The following GGA3 variants were observed in gnomAD, a reference collection of about 807,000 sequenced individuals.
The protein encoded by GGA3 is ADP-ribosylation factor-binding protein GGA3.
GGA3 carries 57 observed loss-of-function variants against 77.5 expected under a neutral mutation model. The ratio of observed to expected loss-of-function variants is 0.74; its 90% CI spans 0.59 to 0.92. The LOEUF (loss-of-function observed/expected upper bound fraction) is 0.92, where lower values mean the gene tolerates loss of function less well. GGA3 is among the 40% of genes least tolerant of loss of function. The pLI, the probability that GGA3 is intolerant of heterozygous loss-of-function variation, is 0.00. For missense variants in GGA3, 970 were observed against 914.9 expected, an observed-to-expected ratio of 1.06 and a Z score of -0.78; for synonymous variants, 416 against 383.7, an observed-to-expected ratio of 1.08 and a Z score of -0.98.
At chr17:75,255,393 T>C (rs1436160794) in intron 1 of GGA3, among the ~76,000 whole-genome samples, 1 of 152,172 alleles carries the variant, frequency 6.6e-6, no homozygotes, top group African/African-American at 2.4e-5. Context: ...TACAGCTACA[T>C]CTCATTGCTG....
chr17:75,261,957 GC>G (rs1256665632), upstream of GGA3: 1 of 1,607,674 alleles, frequency 6.2e-7, no homozygotes, highest in Admixed American at 1.7e-5. Flanking sequence ...CGTTGGGCGT[GC>G]GGCGGGCTGT....
At chr17:75,250,625 C>T (rs1020136097) in intron 1 of GGA3, among the ~76,000 whole-genome samples, 17 of 151,846 alleles carry the variant, frequency 1.1e-4, no homozygotes, top group Admixed American at 1.1e-3. Flanking sequence ...TAGCTAGGCA[C>T]GGTAGCACAC....
intron 3 of GGA3, among the ~76,000 whole-genome samples, chr17:75,244,937 G>C (rs919155016): frequency 6.6e-6 from 1 of 152,106 alleles, no homozygotes; most frequent in Non-Finnish European, 1.5e-5. Flanking sequence ...TGGGGAAGCT[G>C]GGCAGGGACT....
rs1318382193 is a variant in GGA3 at position 75,242,889 on chromosome 17, C to G, written c.551G>C (p.Ser184Thr). 1 of 1,613,864 alleles carries G rather than the reference C, an allele frequency of 6.2e-7. No homozygotes were observed. Among genetic ancestry groups the G allele is most frequent in the East Asian group, 2.2e-5 (1 of 44,890 alleles). The change falls in exon 7 of 17, where the codon AGC (serine) becomes ACC (threonine). Residue 184 changes from serine (S) to threonine (T), a missense_variant. Coordinates refer to ENST00000537686, the MANE Select transcript of GGA3 (RefSeq NM_138619.4). ...KSKLLAKLLK[S>T]KNPDDLQEAN... The stretch of plus-strand genomic sequence containing the variant: ...CTCCTGCAGGTCATCTGGGTTTTTG[C>G]TTTTCAGCAGCTTGGCTAAAAGCTG...
intron 1 of GGA3, among the ~76,000 whole-genome samples, chr17:75,247,134 A>AT (rs2076787788): frequency 6.6e-6 from 1 of 152,246 alleles, no homozygotes; most frequent in Non-Finnish European, 1.5e-5. Context: ...ACATGTAAAG[A>AT]TAATAAAGGG....
intron 1 of GGA3, among the ~76,000 whole-genome samples, chr17:75,247,072 A>G (rs1196204131): frequency 6.6e-6 from 1 of 152,196 alleles, no homozygotes. Flanking sequence ...AATCAAGGTC[A>G]AAAGGACAAA....
intron 1 of GGA3, among the ~76,000 whole-genome samples, chr17:75,260,046 G>A (rs975110153): frequency 1.3e-5 from 2 of 152,242 alleles, no homozygotes; most frequent in Admixed American, 6.5e-5. Flanking sequence ...CTACTCAGGA[G>A]GCTGAGGTAG....
In GGA3 at chr17:75,238,572, C is replaced by G; in HGVS notation, c.2061+80G>C. 3.7e-6 allele frequency: 4 copies of G among 1,076,366 alleles called. No individual in the cohort carries two copies. In the South Asian group the frequency reaches 5.5e-5, roughly 15 times the overall value. 66.7% of individuals were successfully genotyped at this position (1,076,366 alleles called of 1,614,324 possible). On this transcript the variant is annotated intron_variant, in intron 16 of 16. Transcript: ENST00000537686. ...AATCCTACAGTCAAAACACTTCCAG[C>G]TGGGAGGTGGTGGGCCTGACGTCCT... is the stretch of plus-strand genomic sequence containing the variant.
At chr17:75,246,982 C>T (rs1004869990) in intron 1 of GGA3, among the ~76,000 whole-genome samples, 186 bp from the exon 2 acceptor site, 1 of 151,488 alleles carries the variant, frequency 6.6e-6, no homozygotes, top group African/African-American at 2.4e-5. Flanking sequence ...AGAGCAAATA[C>T]AAATACTGCT....
At chr17:75,245,848 T>C (rs540840621) in intron 3 of GGA3, among the ~76,000 whole-genome samples, 3 of 152,358 alleles carry the variant, frequency 2.0e-5, no homozygotes, top group Admixed American at 6.5e-5. Context: ...AGGAATTCGT[T>C]CTACAGCAAA....
In GGA3 at chr17:75,241,599, T is replaced by C; in HGVS notation, c.829+16A>G. On this transcript the variant is annotated intron_variant, in intron 9 of 16. Coordinates refer to ENST00000537686, the MANE Select transcript of GGA3 (RefSeq NM_138619.4). ...CAAATGCCTGGCTTATCCCTGACCGTCGCTCTTTCACTCACCCAAACTGTT... is the reference window on the plus strand; with the variant it reads ...CAAATGCCTGGCTTATCCCTGACCGCCGCTCTTTCACTCACCCAAACTGTT... 2 of 1,612,800 alleles carry C rather than the reference T, an allele frequency of 1.2e-6. No homozygotes were observed. Among genetic ancestry groups the C allele is most frequent in the Non-Finnish European group, 1.7e-6 (2 of 1,178,766 alleles).
At chr17:75,251,965 C>T (rs2076981173) in intron 1 of GGA3, among the ~76,000 whole-genome samples, 2 of 151,930 alleles carry the variant, frequency 1.3e-5, no homozygotes, top group Non-Finnish European at 2.9e-5. Flanking sequence ...AGAATTTTGC[C>T]ATGTTGCTCA....
chr17:75,257,742 C>A (rs1425891746), intron 1 of GGA3, among the ~76,000 whole-genome samples: 2 of 152,142 alleles, frequency 1.3e-5, no homozygotes, highest in African/African-American at 4.8e-5. Context: ...CTTGAAGCAG[C>A]CCTGAGAAAC....
Position 75,236,813 on chromosome 17 carries a change from GGATT to G in GGA3, c.*1462_*1465del, listed in dbSNP as rs2076335481. 1 of 153,728 alleles carries G rather than the reference GGATT, an allele frequency of 6.5e-6. No homozygotes were observed. The highest frequency in any genetic ancestry group is 6.4e-5 in the Admixed American group (1 of 15,530). 9.5% of individuals were successfully genotyped at this position (153,728 alleles called of 1,614,324 possible). A position where few individuals can be genotyped will look rare whatever the true frequency, so the allele number is the denominator to read the frequency against. ...AGCAGCCAGTCTCTGGAAAGCTCTTGGATTTATTCCTTAAGTAGTGAAAAATGAT... is the reference window on the plus strand; with the variant it reads ...AGCAGCCAGTCTCTGGAAAGCTCTTGTATTCCTTAAGTAGTGAAAAATGAT... On this transcript the variant is annotated 3_prime_UTR_variant, in exon 17 of 17. Transcript: ENST00000537686.
chr17:75,250,155 G>C (rs2076911200), intron 1 of GGA3, among the ~76,000 whole-genome samples: 1 of 152,160 alleles, frequency 6.6e-6, no homozygotes, highest in African/African-American at 2.4e-5. Context: ...TGCCTCCCCA[G>C]CAGATGCACA....
Position 75,241,045 on chromosome 17 carries a change from CACTG to C in GGA3, c.955_958del (p.Gln319AlafsTer204), listed in dbSNP as rs752492119. Reference sequence around the variant, plus strand: ...GTCGATGAGCGTGCCTTGGTTACTGCACTGACTGTTTCCTGGATGGGTCAACAGA... The same window carrying C: ...GTCGATGAGCGTGCCTTGGTTACTGCACTGTTTCCTGGATGGGTCAACAGA... On this transcript the variant is annotated frameshift_variant, in exon 11 of 17. Coordinates refer to ENST00000537686, the MANE Select transcript of GGA3 (RefSeq NM_138619.4). LOFTEE classifies it high-confidence loss of function. The C allele has an allele frequency of 2.5e-6, 4 of 1,614,102 alleles. No homozygotes were observed. The highest frequency in any genetic ancestry group is 1.1e-5 in the South Asian group (1 of 91,086).
At chr17:75,241,272 G>C (rs2076546141) in intron 10 of GGA3, 128 bp downstream of exon 10, 1 of 781,296 alleles carries the variant, frequency 1.3e-6, no homozygotes, top group African/African-American at 1.7e-5. Flanking sequence ...AGGATTGCTT[G>C]GAATGGCAAA....
upstream of GGA3, chr17:75,261,931 G>C (rs756852535): frequency 6.2e-7 from 1 of 1,609,034 alleles, no homozygotes; most frequent in Non-Finnish European, 8.5e-7. Context: ...GGTTGCCCGA[G>C]GATGGTCGGG....
chr17:75,254,492 T>A (rs1271880127), intron 1 of GGA3, among the ~76,000 whole-genome samples: 1 of 152,184 alleles, frequency 6.6e-6, no homozygotes, highest in African/African-American at 2.4e-5. Context: ...CCAGCCCAGT[T>A]CATGGCTCGT....
Sources: allele counts gnomAD v4.1 joint callset (sites outside exome capture counted in the v4.1 genomes callset), GRCh38; gene constraint gnomAD v4.1.1; transcripts MANE v1.5; gene names NCBI Gene and HGNC (gene_info 2026-07-23, HGNC 2026-07-21).